Variants in AGPAT4 observed in about 807,000 individuals in gnomAD.
AGPAT4 encodes 1-acyl-sn-glycerol-3-phosphate acyltransferase delta.
Under a neutral mutation model 48.0 loss-of-function variants are expected in AGPAT4, and 15 were observed. The ratio of observed to expected loss-of-function variants is 0.31; its 90% CI spans 0.21 to 0.48. The LOEUF is 0.48. Ranked by LOEUF, AGPAT4 falls within the 20% of genes least tolerant of loss-of-function variation. AGPAT4 has a pLI of 0.99. For missense variants in AGPAT4, 314 were observed against 482.5 expected (o/e 0.65, Z 3.27); for synonymous variants, 178 against 198.7 (o/e 0.90, Z 0.88).
intron 1 of AGPAT4, among the ~76,000 whole-genome samples, chr6:161,273,621 G>T (rs1009000602): frequency 4.0e-5 from 6 of 151,896 alleles, no homozygotes; most frequent in Non-Finnish European, 8.8e-5. Flanking sequence ...CTTTAGCCCC[G>T]GGAGGGGGCT....
chr6:161,131,075 A>T lies in AGPAT4; in HGVS notation c.*5465T>A. 3.3e-6 allele frequency: 1 copy of T among 301,636 alleles called. No homozygotes were observed. Among genetic ancestry groups the T allele is most frequent in the Non-Finnish European group, 6.9e-6 (1 of 145,768 alleles). 18.7% of individuals were successfully genotyped at this position (301,636 alleles called of 1,614,324 possible). On this transcript the variant is annotated 3_prime_UTR_variant, in exon 9 of 9. Transcript: ENST00000320285. ...GTACATACCACTCACCTCCCTTAAA[A>T]TTCAGCAGAACCAGAGGTGCCAGAA... is the stretch of plus-strand genomic sequence containing the variant.
rs971824366 is a variant in AGPAT4 at position 161,196,054 on chromosome 6, T to C, written c.179-29637A>G. Among the ~76,000 whole-genome samples, 4 of 152,172 alleles carry C rather than the reference T, an allele frequency of 2.6e-5. No individual in the cohort carries two copies. Among genetic ancestry groups the C allele is most frequent in the Non-Finnish European group, 5.9e-5 (4 of 68,042 alleles). Reference sequence around the variant, plus strand: ...AGGTGCCAGGACTTTAGGATTTGCATAACTTAATGAGGCTTAATGACCCAC... The same window carrying C: ...AGGTGCCAGGACTTTAGGATTTGCACAACTTAATGAGGCTTAATGACCCAC... On this transcript the variant is annotated intron_variant, in intron 2 of 8. Transcript: ENST00000320285. This position sits in a 1 kb window ranked among gnomAD's most constrained non-coding sequence, Gnocchi z 4.3.
chr6:161,136,881 G>A (rs955609752), intron 8 of AGPAT4, among the ~76,000 whole-genome samples: 2 of 152,196 alleles, frequency 1.3e-5, no homozygotes, highest in African/African-American at 4.8e-5. Flanking sequence ...GAAGGTGAAT[G>A]ATTTGGCAAG....
rs924671392 is a variant in AGPAT4 at position 161,266,236 on chromosome 6, G to A, written c.-90+7702C>T. Among the ~76,000 whole-genome samples the A allele has an allele frequency of 6.6e-6, 1 of 152,130 alleles. No individual in the cohort carries two copies. Among genetic ancestry groups the A allele is most frequent in the African/African-American group, 2.4e-5 (1 of 41,414 alleles). ...TTAATGGGCCCAAAATCTCAACATC[G>A]AGATTGAGAAACACCTCGCCCTCAA... On this transcript the variant is annotated intron_variant, in intron 1 of 8. Transcript: ENST00000320285. The surrounding 1 kb of genome is among the most constrained non-coding windows in gnomAD (Gnocchi z 6.2).
chr6:161,241,616 A>G (rs1782493060), intron 1 of AGPAT4, among the ~76,000 whole-genome samples: 1 of 152,388 alleles, frequency 6.6e-6, no homozygotes, highest in Admixed American at 6.5e-5. Flanking sequence ...TAGACTCAGA[A>G]GCAAACACAG....
intron 2 of AGPAT4, among the ~76,000 whole-genome samples, chr6:161,194,566 A>G (rs1562332829): frequency 6.8e-6 from 1 of 146,510 alleles, no homozygotes; most frequent in African/African-American, 2.7e-5. Context: ...GCATGTGTGT[A>G]TGTGTATGTG....
Position 161,148,398 on chromosome 6 carries a change from G to T in AGPAT4, c.767+789C>A, listed in dbSNP as rs1329898083. On this transcript the variant is annotated intron_variant, in intron 6 of 8. Coordinates refer to ENST00000320285, the MANE Select transcript of AGPAT4 (RefSeq NM_020133.3). The surrounding 1 kb of genome is among the most constrained non-coding windows in gnomAD (Gnocchi z 5.5). ...TCTCCCAGGAAAGCCTGGACGTTTGGTGTGGCCTGGTGGGAATGTAGGGCC... is the reference window on the plus strand; with the variant it reads ...TCTCCCAGGAAAGCCTGGACGTTTGTTGTGGCCTGGTGGGAATGTAGGGCC... Among the ~76,000 whole-genome samples the T allele has an allele frequency of 6.6e-6, 1 of 152,202 alleles. No homozygotes were observed. Among genetic ancestry groups the T allele is most frequent in the Non-Finnish European group, 1.5e-5 (1 of 68,034 alleles).
In AGPAT4 at chr6:161,140,039, G is replaced by A. The variant is rs1779201041; in HGVS notation, c.844-419C>T. Reference sequence around the variant, plus strand: ...GATGCTGCGCCGAAGCTGCCCGCAGGGGACACTCGGTGGAGACCTGGCCCG... The same window carrying A: ...GATGCTGCGCCGAAGCTGCCCGCAGAGGACACTCGGTGGAGACCTGGCCCG... On this transcript the variant is annotated intron_variant, in intron 7 of 8. Coordinates refer to ENST00000320285, the MANE Select transcript of AGPAT4 (RefSeq NM_020133.3). This position sits in a 1 kb window ranked among gnomAD's most constrained non-coding sequence, Gnocchi z 6.5. 6.6e-6 allele frequency among the ~76,000 whole-genome samples: 1 copy of A among 152,222 alleles called. No homozygotes were observed. Among genetic ancestry groups the A allele is most frequent in the Non-Finnish European group, 1.5e-5 (1 of 68,034 alleles).
rs1781109736 is a variant in AGPAT4, at chr6:161,197,728, G to C, written c.179-31311C>G. 6.6e-6 allele frequency among the ~76,000 whole-genome samples: 1 copy of C among 152,198 alleles called. No individual in the cohort carries two copies. ...GAGGCTAGAAGGAGAGCCTGGGAAG[G>C]AGACCACTGGCCTAGCCCCAGGGAG... On this transcript the variant is annotated intron_variant, in intron 2 of 8. Transcript: ENST00000320285. This position sits in a 1 kb window ranked among gnomAD's most constrained non-coding sequence, Gnocchi z 5.7.
rs1016024532 is a variant in AGPAT4, at chr6:161,163,628, T to A, written c.348+2620A>T. On this transcript the variant is annotated intron_variant, in intron 3 of 8. Coordinates refer to ENST00000320285, the MANE Select transcript of AGPAT4 (RefSeq NM_020133.3). ...GCTCCCATCCGCCCCAGCCAGTGCCTGCCATGTGCCTGCCCCACTCAGTCC... is the reference window on the plus strand; with the variant it reads ...GCTCCCATCCGCCCCAGCCAGTGCCAGCCATGTGCCTGCCCCACTCAGTCC... 5.3e-5 allele frequency among the ~76,000 whole-genome samples: 8 copies of A among 152,306 alleles called. No homozygotes were observed. The East Asian group carries it at 1.4e-3, about 26-fold the overall frequency.
chr6:161,150,325 C>G (rs1434166207), intron 5 of AGPAT4, among the ~76,000 whole-genome samples: 1 of 152,190 alleles, frequency 6.6e-6, no homozygotes, highest in African/African-American at 2.4e-5. Flanking sequence ...GGGGCTAGGT[C>G]TTCTCCTGGA....
At chr6:161,179,820 A>G (rs894243808) in intron 2 of AGPAT4, among the ~76,000 whole-genome samples, 1 of 152,236 alleles carries the variant, frequency 6.6e-6, no homozygotes, top group Non-Finnish European at 1.5e-5. Context: ...TTAGAAGAAT[A>G]CCAGATATAA....
chr6:161,159,098 A>G lies in AGPAT4; in HGVS notation c.349-4788T>C, dbSNP rs146233803. Reference sequence around the variant, plus strand: ...AAGCAGGCTAAACAGCCTGCCTTTGAGTCCTTTGACTGTTTTCTTGACTAC... The same window carrying G: ...AAGCAGGCTAAACAGCCTGCCTTTGGGTCCTTTGACTGTTTTCTTGACTAC... On this transcript the variant is annotated intron_variant, in intron 3 of 8. Coordinates refer to ENST00000320285, the MANE Select transcript of AGPAT4 (RefSeq NM_020133.3). The surrounding 1 kb of genome is among the most constrained non-coding windows in gnomAD (Gnocchi z 4.1). Among the ~76,000 whole-genome samples, 101 of 152,338 alleles carry G rather than the reference A, an allele frequency of 6.6e-4. No homozygotes were observed. Among genetic ancestry groups the G allele is most frequent in the African/African-American group, 2.2e-3 (92 of 41,576 alleles).
intron 1 of AGPAT4, among the ~76,000 whole-genome samples, chr6:161,241,331 G>C (rs1475015036): frequency 6.7e-6 from 1 of 150,078 alleles, no homozygotes; most frequent in Non-Finnish European, 1.5e-5. Context: ...CAAAATTCAT[G>C]TATTTTAAAA....
chr6:161,176,566 C>G (rs1413009220), intron 2 of AGPAT4, among the ~76,000 whole-genome samples: 2 of 152,212 alleles, frequency 1.3e-5, no homozygotes, highest in South Asian at 4.1e-4. Flanking sequence ...CTGAATACAG[C>G]ACACTGATGG....
At chr6:161,265,711 C>T (rs76537995) in intron 1 of AGPAT4, among the ~76,000 whole-genome samples, 2,641 of 152,106 alleles carry the variant, frequency 0.017, 28 homozygotes, top group Non-Finnish European at 0.027. Flanking sequence ...GGGAGGGGAA[C>T]GAGGAGGGCC....
At chr6:161,173,082 T>C (rs998011364) in intron 2 of AGPAT4, among the ~76,000 whole-genome samples, 2 of 152,244 alleles carry the variant, frequency 1.3e-5, no homozygotes, top group East Asian at 3.8e-4. Flanking sequence ...TTTGCTATTG[T>C]GAATAGTGCC....
At position 161,178,424 on chromosome 6, in the gene AGPAT4, T is replaced by A. The variant is rs1411196474; in HGVS notation, c.179-12007A>T. On this transcript the variant is annotated intron_variant, in intron 2 of 8. Transcript: ENST00000320285. This position sits in a 1 kb window ranked among gnomAD's most constrained non-coding sequence, Gnocchi z 5.1. ...GCAAGGCTCCGTGGGCGTCGGACCC[T>A]CTGAGCCAGACACGGGATATAATCT... Among the ~76,000 whole-genome samples the A allele has an allele frequency of 2.6e-5, 4 of 152,198 alleles. No homozygotes were observed. The highest frequency in any genetic ancestry group is 5.9e-5 in the Non-Finnish European group (4 of 68,034).
chr6:161,183,766 C>T (rs558882673), intron 2 of AGPAT4, among the ~76,000 whole-genome samples: 51 of 140,226 alleles, frequency 3.6e-4, no homozygotes, highest in African/African-American at 1.3e-3. Flanking sequence ...GCTGATCCTT[C>T]TGGGGGGCCC....
Sources: gnomAD v4.1 joint callset for allele counts (sites outside exome capture counted in the v4.1 genomes callset) on GRCh38, gnomAD v4.1.1 for gene constraint, Gnocchi (gnomAD v3.1) non-coding constraint, MANE v1.5 for transcripts, NCBI Gene and HGNC (gene_info 2026-07-23, HGNC 2026-07-21) for gene names.